The following EYS variants were observed in gnomAD, a reference collection of about 807,000 sequenced individuals.
The protein encoded by EYS is protein eyes shut homolog.
EYS carries 250 observed loss-of-function variants against 282.1 expected under a neutral mutation model. The observed-to-expected ratio is 0.89, with a 90% CI of 0.80 to 0.98. The LOEUF is 0.98. EYS is among the 50% of genes least tolerant of loss of function. The pLI is 0.00. For missense variants in EYS, 4,016 were observed against 3,709.0 expected, an observed-to-expected ratio of 1.08 and a Z score of -2.15; for synonymous variants, 1,355 against 1,282.9, an observed-to-expected ratio of 1.06 and a Z score of -1.20.
chr6:65,032,711 T>A (rs1455565681), intron 13 of EYS, among the ~76,000 whole-genome samples: 1 of 152,094 alleles, frequency 6.6e-6, no homozygotes, highest in African/African-American at 2.4e-5. Context: ...CAGTCTTGGG[T>A]TCTTTTTATA....
intron 22 of EYS, among the ~76,000 whole-genome samples, chr6:64,641,491 A>G (rs1768152010): frequency 6.6e-6 from 1 of 152,202 alleles, no homozygotes; most frequent in Non-Finnish European, 1.5e-5. Flanking sequence ...AGACCAAATC[A>G]ATGAATGGGT....
chr6:65,508,004 G>A (rs1766720863), intron 2 of EYS, among the ~76,000 whole-genome samples: 1 of 152,036 alleles, frequency 6.6e-6, no homozygotes, highest in African/African-American at 2.4e-5. Context: ...AATTTTTGTT[G>A]AAATTCAAGC....
intron 32 of EYS, 50 bp downstream of exon 32, chr6:64,081,806 C>G: frequency 7.5e-7 from 1 of 1,330,472 alleles, no homozygotes; most frequent in Non-Finnish European, 1.0e-6. Context: ...AATAGATCAA[C>G]GTTTGAGAAA....
chr6:64,022,855 C>T (rs543473488), intron 33 of EYS, among the ~76,000 whole-genome samples: 8 of 152,316 alleles, frequency 5.3e-5, no homozygotes, highest in Non-Finnish European at 7.3e-5. Context: ...AACCGCCAAC[C>T]TTCTCTTTGT....
At chr6:63,983,024 T>C (rs1373845981) in intron 35 of EYS, among the ~76,000 whole-genome samples, 3 of 151,802 alleles carry the variant, frequency 2.0e-5, no homozygotes, top group African/African-American at 7.2e-5. Flanking sequence ...CATTATTAGA[T>C]TTTGAAAAAC....
At chr6:65,370,282 T>C (rs1765092374) in intron 8 of EYS, among the ~76,000 whole-genome samples, 1 of 142,278 alleles carries the variant, frequency 7.0e-6, no homozygotes, top group Non-Finnish European at 1.5e-5. Flanking sequence ...TGAAACAGGA[T>C]CTTACTCTAT....
At chr6:64,048,481 C>A (rs929986304) in intron 33 of EYS, among the ~76,000 whole-genome samples, 1 of 151,976 alleles carries the variant, frequency 6.6e-6, no homozygotes, top group Non-Finnish European at 1.5e-5. Flanking sequence ...CCTGAGCTGG[C>A]CTAGAAAAGC....
At position 64,795,980 on chromosome 6, in the gene EYS, G is replaced by GT. The variant is rs555588412; in HGVS notation, c.3443+17397dup. On this transcript the variant is annotated intron_variant, in intron 22 of 42. Coordinates refer to ENST00000503581, the MANE Select transcript of EYS (RefSeq NM_001142800.2). ...GTGTTGACCTAGTTGCAGGACTTGC[G>GT]TACGTGGATGAGTCTACACTGAGAA... 5.0e-4 allele frequency among the ~76,000 whole-genome samples: 76 copies of GT among 152,218 alleles called. 1 individual carries two copies. Among genetic ancestry groups the GT allele is most frequent in the African/African-American group, 1.6e-3 (67 of 41,522 alleles).
intron 30 of EYS, among the ~76,000 whole-genome samples, chr6:64,238,844 C>T (rs1321053470): frequency 1.3e-5 from 2 of 152,092 alleles, no homozygotes; most frequent in Admixed American, 6.6e-5. Flanking sequence ...TGGTGGCTTG[C>T]TGCAAGCATC....
At chr6:65,484,909 T>G (rs1765733797) in intron 5 of EYS, among the ~76,000 whole-genome samples, 1 of 152,208 alleles carries the variant, frequency 6.6e-6, no homozygotes, top group Non-Finnish European at 1.5e-5. Flanking sequence ...ACATTTATGT[T>G]TGTCTATGGC....
intron 8 of EYS, among the ~76,000 whole-genome samples, chr6:65,362,506 T>G (rs1764747884): frequency 6.6e-6 from 1 of 151,872 alleles, no homozygotes; most frequent in Non-Finnish European, 1.5e-5. Flanking sequence ...TTTGTATAAA[T>G]GTATATACAC....
At chr6:63,923,345 G>A (rs1041449431) in intron 35 of EYS, among the ~76,000 whole-genome samples, 1 of 152,036 alleles carries the variant, frequency 6.6e-6, no homozygotes, top group Non-Finnish European at 1.5e-5. Flanking sequence ...TACACTAGGT[G>A]GAAGCAAAGA....
At chr6:65,416,416 A>G (rs2150373761) in intron 5 of EYS, among the ~76,000 whole-genome samples, 1 of 152,056 alleles carries the variant, frequency 6.6e-6, no homozygotes, top group Admixed American at 6.6e-5. Flanking sequence ...TCTCTCTCTC[A>G]TACACACACA....
At chr6:64,485,171 G>A (rs1776545724) in intron 26 of EYS, among the ~76,000 whole-genome samples, 1 of 151,604 alleles carries the variant, frequency 6.6e-6, no homozygotes, top group Non-Finnish European at 1.5e-5. Flanking sequence ...TCCAGCTTAA[G>A]GAGCAGGTTA....
chr6:64,904,718 A>T (rs1479700522), intron 16 of EYS, among the ~76,000 whole-genome samples: 1 of 152,116 alleles, frequency 6.6e-6, no homozygotes, highest in African/African-American at 2.4e-5. Flanking sequence ...ACTGGCTATA[A>T]AGAAGCACCA....
At chr6:64,863,781 G>A (rs1766324723) in intron 19 of EYS, among the ~76,000 whole-genome samples, 1 of 152,088 alleles carries the variant, frequency 6.6e-6, no homozygotes, top group African/African-American at 2.4e-5. Flanking sequence ...AACCCTTATA[G>A]AATGTTGTCT....
chr6:64,970,339 A>G (rs1254753204), intron 14 of EYS, among the ~76,000 whole-genome samples: 3 of 152,174 alleles, frequency 2.0e-5, no homozygotes, highest in Non-Finnish European at 4.4e-5. Flanking sequence ...CTGGGATTAC[A>G]GGCATGGGCT....
chr6:65,566,772 CAG>C (rs1177341083), intron 2 of EYS, among the ~76,000 whole-genome samples: 2 of 152,078 alleles, frequency 1.3e-5, no homozygotes, highest in African/African-American at 2.4e-5. Flanking sequence ...ACAATGAATT[CAG>C]AGTTTCCTTC....
intron 33 of EYS, among the ~76,000 whole-genome samples, chr6:64,058,155 TG>T (rs1401248369): frequency 3.3e-5 from 5 of 152,094 alleles, no homozygotes; most frequent in African/African-American, 1.2e-4. Context: ...TCAGTTCCCC[TG>T]CACATGTTGT....
Sources: gnomAD v4.1 joint callset for allele counts (sites outside exome capture counted in the v4.1 genomes callset) on GRCh38, gnomAD v4.1.1 for gene constraint, MANE v1.5 for transcripts, NCBI Gene and HGNC (gene_info 2026-07-23, HGNC 2026-07-21) for gene names.